Variants in SUGT1 observed in about 807,000 individuals in gnomAD.
SUGT1 encodes protein SGT1 homolog.
SUGT1 carries 15 observed loss-of-function variants against 56.1 expected under a neutral mutation model. That is an observed-to-expected ratio of 0.27 (90% CI 0.18 to 0.41). The LOEUF (loss-of-function observed/expected upper bound fraction) is 0.41, where lower values mean the gene tolerates loss of function less well. Among genes scored for constraint, SUGT1 ranks in the 10% least tolerant of loss-of-function variants. The pLI is 1.00. For synonymous variants in SUGT1, 123 were observed against 128.6 expected (o/e 0.96, Z 0.30); for missense variants, 347 against 382.2 (o/e 0.91, Z 0.77).
In SUGT1 at chr13:52,679,996, A is replaced by T. The variant is rs1161635710; in HGVS notation, c.741A>T (p.Ser247=). ...FVADVKNLYP[S]SSPYTRNWDK... ...TAGATGTAAAGAACCTATATCCATC[A>T]TCATCTCCTTATACAAGAAATTGGG... The change falls in exon 12 of 13, where the codon TCA becomes TCT. Residue 247 remains serine (S), a synonymous_variant. Transcript: ENST00000310528. 1.3e-6 allele frequency: 2 copies of T among 1,597,396 alleles called. No homozygotes were observed. Among genetic ancestry groups the T allele is most frequent in the Non-Finnish European group, 1.7e-6 (2 of 1,175,780 alleles).
Position 52,658,226 on chromosome 13 carries a change from G to C in SUGT1, c.188-173G>C, listed in dbSNP as rs1373529397. On this transcript the variant is annotated intron_variant, in intron 3 of 12. Transcript: ENST00000310528. ...AAGCTAAATGTTAAGCCAAAAGGAAGGTACAAGAGTAATATTTATTTGAAT... is the reference window on the plus strand; with the variant it reads ...AAGCTAAATGTTAAGCCAAAAGGAACGTACAAGAGTAATATTTATTTGAAT... The C allele has an allele frequency of 2.9e-5, 44 of 1,515,052 alleles. No homozygotes were observed. In the East Asian group the frequency reaches 8.4e-4, roughly 29 times the overall value. The allele number at this position is 1,515,052 out of a possible 1,614,324, so 93.9% of individuals were successfully genotyped here. A position where few individuals can be genotyped will look rare whatever the true frequency, so the allele number is the denominator to read the frequency against.
intron 12 of SUGT1, chr13:52,687,173 A>G (rs577045621): frequency 6.6e-6 from 1 of 151,980 alleles, no homozygotes; most frequent in South Asian, 2.1e-4. Flanking sequence ...TAGATGGTAA[A>G]TAAATGACCA....
chr13:52,686,937 GGT>G (rs1266630701), intron 12 of SUGT1, among the ~76,000 whole-genome samples: 1 of 151,828 alleles, frequency 6.6e-6, no homozygotes, highest in East Asian at 1.9e-4. Context: ...CGGGCATGGT[GGT>G]GCATGCCTGT....
In SUGT1 at chr13:52,698,468, T is replaced by TTC. The variant is rs1963996880; in HGVS notation, c.*10633_*10634insTC. The TTC allele has an allele frequency of 2.2e-5, 2 of 89,716 alleles. No individual in the cohort carries two copies. The highest frequency in any genetic ancestry group is 8.6e-5 in the African/African-American group (2 of 23,126). The allele number at this position is 89,716 out of a possible 1,614,324, so 5.6% of individuals were successfully genotyped here. A position where few individuals can be genotyped will look rare whatever the true frequency, so the allele number is the denominator to read the frequency against. On this transcript the variant is annotated 3_prime_UTR_variant, in exon 13 of 13. Transcript: ENST00000310528. ...CTAATCTTTTTTTTTTTTTTTTTTT[T>TTC]AAGAGACAGGGTTTTGCTCTGCTGT... is the stretch of plus-strand genomic sequence containing the variant.
intron 11 of SUGT1, among the ~76,000 whole-genome samples, chr13:52,678,008 T>G (rs548270000): frequency 6.6e-5 from 10 of 152,212 alleles, no homozygotes; most frequent in South Asian, 2.1e-4. Context: ...CTTGTCAGAT[T>G]CCTGTGTATT....
intron 10 of SUGT1, among the ~76,000 whole-genome samples, chr13:52,668,139 C>T (rs1053439131): frequency 4.6e-5 from 7 of 151,996 alleles, no homozygotes; most frequent in African/African-American, 1.2e-4. Context: ...TGTACTGCCA[C>T]GCCCAGCTAA....
At position 52,652,862 on chromosome 13, in the gene SUGT1, G is replaced by A; in HGVS notation, c.-59G>A. On this transcript the variant is annotated 5_prime_UTR_variant, in exon 1 of 13. Coordinates refer to ENST00000310528, the MANE Select transcript of SUGT1 (RefSeq NM_006704.5). The stretch of plus-strand genomic sequence containing the variant: ...TCCAGAAGTTTCCCCCTTGGGCGGT[G>A]GTGGAGGTGGTAACCGTGATAGTAG... The A allele has an allele frequency of 6.3e-7, 1 of 1,590,018 alleles. No homozygotes were observed. The highest frequency in any genetic ancestry group is 8.6e-7 in the Non-Finnish European group (1 of 1,167,076).
intron 5 of SUGT1, among the ~76,000 whole-genome samples, chr13:52,659,641 A>G (rs1962328191): frequency 6.6e-6 from 1 of 151,672 alleles, no homozygotes; most frequent in Non-Finnish European, 1.5e-5. Flanking sequence ...GGAGAAGTGA[A>G]GTGTACGTTT....
chr13:52,652,844 G>C lies in SUGT1; in HGVS notation c.-77G>C, dbSNP rs9591458. 2.9e-3 allele frequency: 4,480 copies of C among 1,566,392 alleles called. 120 individuals are homozygous for C. The African/African-American group carries it at 0.054, about 19-fold the overall frequency. On this transcript the variant is annotated 5_prime_UTR_variant, in exon 1 of 13. Coordinates refer to ENST00000310528, the MANE Select transcript of SUGT1 (RefSeq NM_006704.5). ...AAGCTCGGTTGGTGTTTCTCCAGAA[G>C]TTTCCCCCTTGGGCGGTGGTGGAGG...
chr13:52,676,803 G>A (rs1247358511), intron 11 of SUGT1, among the ~76,000 whole-genome samples: 1 of 152,108 alleles, frequency 6.6e-6, no homozygotes, highest in Non-Finnish European at 1.5e-5. Flanking sequence ...AGAGATGGAC[G>A]CAAATAGGTG....
At chr13:52,674,610 TGATAAAA>T (rs1041247675) in intron 10 of SUGT1, among the ~76,000 whole-genome samples, 56 of 152,330 alleles carry the variant, frequency 3.7e-4, no homozygotes, top group Admixed American at 3.1e-3. Flanking sequence ...ATGAGTCATC[TGATAAAA>T]GATAAAAGAA....
chr13:52,697,148 G>A lies in SUGT1; in HGVS notation c.*9313G>A, dbSNP rs1242292076. On this transcript the variant is annotated 3_prime_UTR_variant, in exon 13 of 13. Coordinates refer to ENST00000310528, the MANE Select transcript of SUGT1 (RefSeq NM_006704.5). The stretch of plus-strand genomic sequence containing the variant: ...CTCCTGAGTAGCTGGGACTACAGGT[G>A]TGTGCCACCACTCCCAGCTAATTTT... 6.6e-6 allele frequency: 1 copy of A among 152,058 alleles called. No individual in the cohort carries two copies. The highest frequency in any genetic ancestry group is 1.5e-5 in the Non-Finnish European group (1 of 68,046). 9.4% of individuals were successfully genotyped at this position (152,058 alleles called of 1,614,324 possible).
At chr13:52,669,021 CTT>C (rs1187550308) in intron 10 of SUGT1, among the ~76,000 whole-genome samples, 6 of 152,088 alleles carry the variant, frequency 3.9e-5, no homozygotes, top group Non-Finnish European at 8.8e-5. Flanking sequence ...TATCTCAATT[CTT>C]TTTTCTCTTT....
chr13:52,672,990 C>T (rs74088617), intron 10 of SUGT1, among the ~76,000 whole-genome samples: 2,086 of 152,174 alleles, frequency 0.014, 45 homozygotes, highest in African/African-American at 0.048. Context: ...CTTCCCTGTA[C>T]ATATGAGAGC....
At chr13:52,676,023 A>G (rs1473333385) in intron 10 of SUGT1, among the ~76,000 whole-genome samples, 1 of 152,148 alleles carries the variant, frequency 6.6e-6, no homozygotes, top group Admixed American at 6.5e-5. Flanking sequence ...GCTTATATAT[A>G]GTGTGTATGT....
chr13:52,681,865 T>A (rs572683406), intron 12 of SUGT1, among the ~76,000 whole-genome samples: 1 of 147,822 alleles, frequency 6.8e-6, no homozygotes, highest in Admixed American at 6.7e-5. Flanking sequence ...GAGAGAGAGA[T>A]AGAACATTTT....
rs1302790990 is a variant in SUGT1, at chr13:52,663,943, AT to A, written c.400-90del. ...TCAAAATAACTGCAGTGTTGGGTAAATTAATAATACATGCATTTTAATAATA... is the reference window on the plus strand; with the variant it reads ...TCAAAATAACTGCAGTGTTGGGTAAATAATAATACATGCATTTTAATAATA... On this transcript the variant is annotated intron_variant, in intron 7 of 12. Transcript: ENST00000310528. The A allele has an allele frequency of 4.9e-6, 6 of 1,229,070 alleles. No homozygotes were observed. In the African/African-American group the frequency reaches 9.0e-5, roughly 18 times the overall value. 76.1% of individuals were successfully genotyped at this position (1,229,070 alleles called of 1,614,324 possible). A position where few individuals can be genotyped will look rare whatever the true frequency, so the allele number is the denominator to read the frequency against.
At position 52,697,034 on chromosome 13, in the gene SUGT1, T is replaced by G. The variant is rs1325815998; in HGVS notation, c.*9199T>G. The G allele has an allele frequency of 6.6e-6, 1 of 151,834 alleles. No homozygotes were observed. The highest frequency in any genetic ancestry group is 1.5e-5 in the Non-Finnish European group (1 of 67,962). 9.4% of individuals were successfully genotyped at this position (151,834 alleles called of 1,614,324 possible). A position where few individuals can be genotyped will look rare whatever the true frequency, so the allele number is the denominator to read the frequency against. ...ATTTTTTATTTTTTTAGATAAGGTC[T>G]TGCTCTTGCCCAGGCTGGAATGTAA... is the stretch of plus-strand genomic sequence containing the variant. On this transcript the variant is annotated 3_prime_UTR_variant, in exon 13 of 13. Coordinates refer to ENST00000310528, the MANE Select transcript of SUGT1 (RefSeq NM_006704.5).
rs941964974 is a variant in SUGT1 at position 52,696,670 on chromosome 13, G to A, written c.*8835G>A. ...GATGAGGTCTTGCTGTGGTGCTCAG[G>A]CTGGAGTGCAGTGGCTGTTCACAGG... On this transcript the variant is annotated 3_prime_UTR_variant, in exon 13 of 13. Transcript: ENST00000310528. 6 of 152,106 alleles carry A rather than the reference G, an allele frequency of 3.9e-5. No individual in the cohort carries two copies. Among genetic ancestry groups the A allele is most frequent in the Non-Finnish European group, 8.8e-5 (6 of 68,032 alleles). 9.4% of individuals were successfully genotyped at this position (152,106 alleles called of 1,614,324 possible).
Sources: gnomAD v4.1 joint callset for allele counts (sites outside exome capture counted in the v4.1 genomes callset) on GRCh38, gnomAD v4.1.1 for gene constraint, MANE v1.5 for transcripts, NCBI Gene and HGNC (gene_info 2026-07-23, HGNC 2026-07-21) for gene names.